The following SUGCT variants were observed in gnomAD, a reference collection of about 807,000 sequenced individuals.
SUGCT encodes the protein succinyl-CoA:glutarate-CoA transferase.
In SUGCT, 41 loss-of-function variants were observed where a neutral mutation model predicts 55.0. The observed-to-expected ratio is 0.74, with a 90% CI of 0.58 to 0.97. The LOEUF (loss-of-function observed/expected upper bound fraction) is 0.97, where lower values mean the gene tolerates loss of function less well. Ranked by LOEUF, SUGCT falls within the 50% of genes least tolerant of loss-of-function variation. The pLI, the probability that SUGCT is intolerant of heterozygous loss-of-function variation, is 0.00. For synonymous variants in SUGCT, 187 were observed against 200.4 expected, an observed-to-expected ratio of 0.93 and a Z score of 0.56; for missense variants, 568 against 547.8, an observed-to-expected ratio of 1.04 and a Z score of -0.37.
chr7:40,539,827 A>G (rs1043715333), intron 12 of SUGCT: 1 of 152,240 alleles, frequency 6.6e-6, no homozygotes, highest in African/African-American at 2.4e-5. Context: ...TACTAACTAA[A>G]TACCAGTAGT....
At chr7:40,650,356 A>G (rs534350149) in intron 12 of SUGCT, among the ~76,000 whole-genome samples, 2 of 152,296 alleles carry the variant, frequency 1.3e-5, no homozygotes, top group East Asian at 3.9e-4. Flanking sequence ...GTGTACCAGG[A>G]CATGCAGACT....
At chr7:40,364,873 A>C (rs1783844019) in intron 9 of SUGCT, among the ~76,000 whole-genome samples, 1 of 152,144 alleles carries the variant, frequency 6.6e-6, no homozygotes. Flanking sequence ...AACTATTCCA[A>C]TCAATAGAAA....
intron 6 of SUGCT, among the ~76,000 whole-genome samples, chr7:40,208,347 T>C (rs928026030): frequency 6.6e-6 from 1 of 152,190 alleles, no homozygotes; most frequent in African/African-American, 2.4e-5. Context: ...TTTTTTGTTA[T>C]GTATATTTTG....
the SUGCT span, among the ~76,000 whole-genome samples, chr7:40,877,360 A>G: frequency 7.2e-5 from 11 of 152,224 alleles, no homozygotes; most frequent in Admixed American, 6.5e-4. Flanking sequence ...ATCATTAGTC[A>G]TGGGTTCTAT....
chr7:40,390,534 A>C (rs1439221928), intron 9 of SUGCT, among the ~76,000 whole-genome samples: 1 of 152,222 alleles, frequency 6.6e-6, no homozygotes, highest in Non-Finnish European at 1.5e-5. Flanking sequence ...TCCCATTCAC[A>C]GTTGCTTCAA....
intron 12 of SUGCT, among the ~76,000 whole-genome samples, chr7:40,500,390 C>T (rs903045888): frequency 3.3e-5 from 5 of 152,190 alleles, no homozygotes; most frequent in Non-Finnish European, 7.4e-5. Flanking sequence ...TCACAGCTGG[C>T]CCTGATTTTA....
intron 12 of SUGCT, among the ~76,000 whole-genome samples, chr7:40,643,591 A>G (rs185387186): frequency 5.3e-4 from 80 of 152,270 alleles, no homozygotes; most frequent in Admixed American, 9.2e-4. Flanking sequence ...TAAAAGGAAA[A>G]CATTTGAAAA....
intron 8 of SUGCT, among the ~76,000 whole-genome samples, chr7:40,304,860 AATAGACACAG>A (rs1192950654): frequency 6.6e-6 from 1 of 152,116 alleles, no homozygotes; most frequent in Non-Finnish European, 1.5e-5. Context: ...TGATTGTCTC[AATAGACACAG>A]AAAAAGCATT....
At chr7:40,136,431 C>G (rs1787700733) in intron 1 of SUGCT, among the ~76,000 whole-genome samples, 2 of 152,174 alleles carry the variant, frequency 1.3e-5, no homozygotes, top group African/African-American at 4.8e-5. Context: ...CTGTGACATC[C>G]CAAGCTGACG....
intron 8 of SUGCT, among the ~76,000 whole-genome samples, chr7:40,280,251 C>A (rs1293159227): frequency 2.0e-5 from 3 of 152,108 alleles, no homozygotes; most frequent in African/African-American, 4.8e-5. Flanking sequence ...AACTTTCAAC[C>A]CTTGTCAAAA....
At chr7:40,974,597 T>A in the SUGCT span, among the ~76,000 whole-genome samples, 3 of 152,174 alleles carry the variant, frequency 2.0e-5, no homozygotes, top group African/African-American at 7.2e-5. Flanking sequence ...GTCTATTATA[T>A]TTTGTTATGG....
intron 13 of SUGCT, among the ~76,000 whole-genome samples, chr7:40,776,676 TA>T (rs749598904): frequency 9.2e-5 from 14 of 152,244 alleles, no homozygotes; most frequent in Non-Finnish European, 1.6e-4. Context: ...CTTTGTGCTC[TA>T]GGCTCACAAA....
chr7:40,671,293 ACACT>A (rs1801925899), intron 12 of SUGCT, among the ~76,000 whole-genome samples: 2 of 152,234 alleles, frequency 1.3e-5, no homozygotes, highest in African/African-American at 2.4e-5. Context: ...CAAAAATGAA[ACACT>A]CATTCATTAT....
At chr7:40,547,437 T>C (rs1261435281) in intron 12 of SUGCT, among the ~76,000 whole-genome samples, 2 of 152,224 alleles carry the variant, frequency 1.3e-5, no homozygotes, top group African/African-American at 4.8e-5. Context: ...TGGCTATGTC[T>C]TTTTTATTAT....
At chr7:41,001,825 A>G in the SUGCT span, among the ~76,000 whole-genome samples, 1 of 152,206 alleles carries the variant, frequency 6.6e-6, no homozygotes, top group African/African-American at 2.4e-5. Flanking sequence ...GGACACAAAC[A>G]TTTAGGACCT....
At chr7:40,932,752 CTTTT>C in the SUGCT span, among the ~76,000 whole-genome samples, 25 of 127,802 alleles carry the variant, frequency 2.0e-4, no homozygotes, top group Admixed American at 1.9e-3. Context: ...GCAACCTCTG[CTTTT>C]TTTTTTTTTT....
chr7:40,683,924 G>T (rs1267080953), intron 12 of SUGCT: 6 of 1,308,032 alleles, frequency 4.6e-6, no homozygotes, highest in Non-Finnish European at 6.2e-6. Flanking sequence ...AAATCAAGGT[G>T]CTGGCAGATG....
At position 40,749,499 on chromosome 7, in the gene SUGCT, T is replaced by A. The variant is rs753053682; in HGVS notation, c.1153+2T>A. On this transcript the variant is annotated splice_donor_variant, in intron 13 of 13. Transcript: ENST00000335693. LOFTEE classifies it high-confidence loss of function. ...CTGTGGGGAAGATTTCCGTCCCAGG[T>A]CTGAAAAGTTTTGGTATTTTCTCTA... is the stretch of plus-strand genomic sequence containing the variant. The A allele has an allele frequency of 6.2e-7, 1 of 1,612,856 alleles. No homozygotes were observed. The highest frequency in any genetic ancestry group is 1.3e-5 in the African/African-American group (1 of 74,872).
intron 12 of SUGCT, among the ~76,000 whole-genome samples, chr7:40,613,269 T>A (rs1022250727): frequency 2.0e-5 from 3 of 152,194 alleles, no homozygotes; most frequent in Non-Finnish European, 4.4e-5. Context: ...GCCGTCACCA[T>A]GAGGCTGCTT....
Sources: allele counts gnomAD v4.1 joint callset (sites outside exome capture counted in the v4.1 genomes callset), GRCh38; gene constraint gnomAD v4.1.1; transcripts MANE v1.5; gene names NCBI Gene and HGNC (gene_info 2026-07-23, HGNC 2026-07-21).